IQGAP2: variants seen among roughly 807,000 people sequenced by gnomAD.
IQGAP2 encodes ras GTPase-activating-like protein IQGAP2.
In IQGAP2, 173 loss-of-function variants were observed where a neutral mutation model predicts 201.3. The ratio of observed to expected loss-of-function variants is 0.86; its 90% confidence interval spans 0.76 to 0.98. The LOEUF is 0.98. Ranked by LOEUF, IQGAP2 falls within the 50% of genes least tolerant of loss-of-function variation. IQGAP2 has a pLI of 0.00. For missense variants in IQGAP2, 1,687 were observed against 1,864.8 expected (o/e 0.90, Z 1.76); for synonymous variants, 675 against 673.9 (o/e 1.00, Z -0.03).
intron 2 of IQGAP2, chr5:76,510,734 G>A: frequency 1.9e-6 from 1 of 513,578 alleles, no homozygotes; most frequent in Non-Finnish European, 4.0e-6. Context: ...GGACCTAAGG[G>A]TGTACCTGGG....
In IQGAP2 at chr5:76,583,954, C is replaced by T. The variant is rs140397209; in HGVS notation, c.459-4952C>T. Among the ~76,000 whole-genome samples the T allele has an allele frequency of 5.1e-3, 775 of 151,876 alleles. 8 individuals carry two copies. The highest frequency in any genetic ancestry group is 0.018 in the African/African-American group (728 of 41,378). ...GTGGCACAATCGTGGCTCACTGCAA[C>T]GTCTGTCTCCCTGGTTCAAGCAATT... On this transcript the variant is annotated intron_variant, in intron 5 of 35. Transcript: ENST00000274364.
At chr5:76,700,961 A>G (rs1580859994) in intron 33 of IQGAP2, 115 bp from the exon 34 acceptor site, 2 of 1,019,546 alleles carry the variant, frequency 2.0e-6, no homozygotes, top group East Asian at 5.2e-5. Flanking sequence ...GTGTATATTC[A>G]GCGCTCTGAG....
intron 5 of IQGAP2, among the ~76,000 whole-genome samples, chr5:76,582,783 AACTACTACT>A (rs35811029): frequency 6.1e-4 from 93 of 151,830 alleles, no homozygotes; most frequent in African/African-American, 2.0e-3. Context: ...AGTAGATAAC[AACTACTACT>A]ACTACTACTA....
chr5:76,597,193 C>G, intron 9 of IQGAP2: 2 of 484,174 alleles, frequency 4.1e-6, no homozygotes, highest in Non-Finnish European at 7.4e-6. Context: ...TCATGCTACT[C>G]AGGAATGATC....
chr5:76,641,513 TAAAC>T (rs1446081056), intron 17 of IQGAP2, among the ~76,000 whole-genome samples: 1 of 152,188 alleles, frequency 6.6e-6, no homozygotes, highest in Non-Finnish European at 1.5e-5. Flanking sequence ...ACTAATGAAA[TAAAC>T]AGATTTAGCC....
intron 2 of IQGAP2, among the ~76,000 whole-genome samples, chr5:76,500,447 T>C (rs1253271511): frequency 6.6e-6 from 1 of 152,250 alleles, no homozygotes; most frequent in Non-Finnish European, 1.5e-5. Context: ...ATTTACAGCC[T>C]TACTCTATAG....
At position 76,490,540 on chromosome 5, in the gene IQGAP2, C is replaced by T. The variant is rs181859488; in HGVS notation, c.146+28871C>T. On this transcript the variant is annotated intron_variant, in intron 2 of 35. Transcript: ENST00000274364. ...AGACCATTAGGACTTAGGAGCAGTG[C>T]AGTGGATGTGGAGAGAATGAAAGAT... Among the ~76,000 whole-genome samples, 200 of 152,214 alleles carry T rather than the reference C, an allele frequency of 1.3e-3. 1 individual carries two copies. Among genetic ancestry groups the T allele is most frequent in the African/African-American group, 4.6e-3 (193 of 41,530 alleles).
intron 2 of IQGAP2, among the ~76,000 whole-genome samples, chr5:76,508,696 T>C (rs1324975462): frequency 1.3e-5 from 2 of 151,250 alleles, no homozygotes; most frequent in Non-Finnish European, 2.9e-5. Context: ...TTTTGTTTTG[T>C]TTTGTTTTTT....
At chr5:76,649,468 C>T (rs929458965) in intron 17 of IQGAP2, among the ~76,000 whole-genome samples, 5 of 152,098 alleles carry the variant, frequency 3.3e-5, no homozygotes, top group African/African-American at 7.2e-5. Flanking sequence ...GAAGAAATTT[C>T]GGAACATCAG....
intron 2 of IQGAP2, among the ~76,000 whole-genome samples, chr5:76,497,404 T>A (rs1026836507): frequency 2.6e-5 from 4 of 152,212 alleles, no homozygotes; most frequent in Non-Finnish European, 4.4e-5. Context: ...AAGGTGATTT[T>A]AAAAAAATCT....
At chr5:76,484,339 G>A (rs746175426) in intron 2 of IQGAP2, among the ~76,000 whole-genome samples, 8 of 152,168 alleles carry the variant, frequency 5.3e-5, no homozygotes, top group South Asian at 2.1e-4. Context: ...ATGTGGGGGC[G>A]CAGGTTGTGA....
At chr5:76,674,297 T>C (rs1331289161) in intron 26 of IQGAP2, among the ~76,000 whole-genome samples, 180 bp from the exon 27 acceptor site, 1 of 152,210 alleles carries the variant, frequency 6.6e-6, no homozygotes, top group Non-Finnish European at 1.5e-5. Context: ...AATTATGCTA[T>C]TAATAATGTG....
chr5:76,455,861 G>A (rs929238516), intron 1 of IQGAP2, among the ~76,000 whole-genome samples: 1 of 152,142 alleles, frequency 6.6e-6, no homozygotes, highest in African/African-American at 2.4e-5. Context: ...TGTTATTATG[G>A]TAGGTGGCCA....
intron 2 of IQGAP2, among the ~76,000 whole-genome samples, chr5:76,504,385 C>T: frequency 6.6e-6 from 1 of 152,140 alleles, no homozygotes; most frequent in East Asian, 1.9e-4. Flanking sequence ...TTTCTGCCTT[C>T]CTAATTCTTA....
intron 3 of IQGAP2, 119 bp from the exon 4 acceptor site, chr5:76,570,461 A>C: frequency 5.6e-6 from 4 of 714,580 alleles, no homozygotes; most frequent in Non-Finnish European, 1.0e-5. Context: ...GAACATTAAT[A>C]ACTCTGTTCC....
chr5:76,633,480 T>C lies in IQGAP2; in HGVS notation c.1780+1454T>C, dbSNP rs1188169390. Among the ~76,000 whole-genome samples, 4 of 152,234 alleles carry C rather than the reference T, an allele frequency of 2.6e-5. No individual in the cohort carries two copies. In the East Asian group the frequency reaches 7.7e-4, roughly 29 times the overall value. On this transcript the variant is annotated intron_variant, in intron 15 of 35. Coordinates refer to ENST00000274364, the MANE Select transcript of IQGAP2 (RefSeq NM_006633.5). ...TTTATTTTATTGTAAATATTGTTTTTTAATTATATTTTGGGATTGTTTATT... is the reference window on the plus strand; with the variant it reads ...TTTATTTTATTGTAAATATTGTTTTCTAATTATATTTTGGGATTGTTTATT...
At chr5:76,687,241 C>T (rs1455194888) in intron 30 of IQGAP2, among the ~76,000 whole-genome samples, 2 of 152,090 alleles carry the variant, frequency 1.3e-5, no homozygotes, top group African/African-American at 4.8e-5. Context: ...TACTGTTGGC[C>T]GACCACTTTA....
intron 19 of IQGAP2, 36 bp from the exon 20 acceptor site, chr5:76,654,898 C>T (rs376596090): frequency 1.4e-6 from 2 of 1,405,064 alleles, no homozygotes; most frequent in East Asian, 2.3e-5. Flanking sequence ...GTAGGTGGGA[C>T]TCTGGGAGAT....
intron 2 of IQGAP2, among the ~76,000 whole-genome samples, chr5:76,514,011 CTTTTTTTTTTTTTTTT>C (rs70982619): frequency 1.5e-5 from 1 of 65,084 alleles, no homozygotes; most frequent in Admixed American, 2.1e-4. Flanking sequence ...TATTTGTTGC[CTTTTTTTTTTTTTTTT>C]TTTTTTTTTT....
Sources: gnomAD v4.1 joint callset for allele counts (sites outside exome capture counted in the v4.1 genomes callset) on GRCh38, gnomAD v4.1.1 for gene constraint, MANE v1.5 for transcripts, NCBI Gene and HGNC (gene_info 2026-07-23, HGNC 2026-07-21) for gene names.